The following ASAP2 variants were observed in gnomAD, a reference collection of about 807,000 sequenced individuals.
ASAP2 encodes ArfGAP with SH3 domain, ankyrin repeat and PH domain 2.
Under a neutral mutation model 131.4 loss-of-function variants are expected in ASAP2, and 45 were observed. That is an observed-to-expected ratio of 0.34 (90% confidence interval 0.27 to 0.44). ASAP2 has a LOEUF of 0.44. Among genes scored for constraint, ASAP2 ranks in the 20% least tolerant of loss-of-function variants. The pLI is 1.00. For missense variants in ASAP2, 1,011 were observed against 1,297.0 expected (o/e 0.78, Z 3.39); for synonymous variants, 510 against 503.0 (o/e 1.01, Z -0.19).
Position 9,297,327 on chromosome 2 carries a change from C to T in ASAP2, c.227C>T (p.Thr76Ile), listed in dbSNP as rs755767129. Residue 76 changes from threonine to isoleucine, a missense_variant, in exon 3 of 28, where the codon ACC (threonine) becomes ATC (isoleucine). Thr to Ile is a moderately conservative substitution (Grantham distance 89). Transcript: ENST00000281419. ...LAHVENEEQYTQALEKFGGNC... is the reference protein window; with the variant it reads ...LAHVENEEQYIQALEKFGGNC... ...CACGTGGAAAATGAAGAGCAGTACACCCAGGCTCTGGAGAAGTTTGGCGGC... is the reference window on the plus strand; with the variant it reads ...CACGTGGAAAATGAAGAGCAGTACATCCAGGCTCTGGAGAAGTTTGGCGGC... The T allele has an allele frequency of 6.2e-7, 1 of 1,614,076 alleles. No homozygotes were observed. The highest frequency in any genetic ancestry group is 8.5e-7 in the Non-Finnish European group (1 of 1,180,008).
In ASAP2 at chr2:9,404,288, C is replaced by G. The variant is rs1017206873; in HGVS notation, c.*961C>G. Reference sequence around the variant, plus strand: ...TAGTGTCTTGTATTTCTATAATACTCCAACAGGAATGGTAGTCACACTGTC... The same window carrying G: ...TAGTGTCTTGTATTTCTATAATACTGCAACAGGAATGGTAGTCACACTGTC... On this transcript the variant is annotated 3_prime_UTR_variant, in exon 28 of 28. Coordinates refer to ENST00000281419, the MANE Select transcript of ASAP2 (RefSeq NM_003887.3). The G allele has an allele frequency of 6.6e-6, 1 of 152,132 alleles. No individual in the cohort carries two copies. Among genetic ancestry groups the G allele is most frequent in the African/African-American group, 2.4e-5 (1 of 41,416 alleles). 9.4% of individuals were successfully genotyped at this position (152,132 alleles called of 1,614,324 possible). A position where few individuals can be genotyped will look rare whatever the true frequency, so the allele number is the denominator to read the frequency against.
intron 1 of ASAP2, among the ~76,000 whole-genome samples, chr2:9,250,907 C>T (rs183907827): frequency 7.2e-5 from 11 of 152,288 alleles, no homozygotes; most frequent in East Asian, 3.9e-4. Flanking sequence ...GGCTTGCTCC[C>T]GGGGAACTTA....
At chr2:9,339,353 C>T (rs1348103249) in intron 9 of ASAP2, among the ~76,000 whole-genome samples, 1 of 151,972 alleles carries the variant, frequency 6.6e-6, no homozygotes, top group African/African-American at 2.4e-5. Flanking sequence ...CCTACCCTGC[C>T]CTGTGACACT....
At chr2:9,354,430 T>G (rs1672553817) in intron 12 of ASAP2, among the ~76,000 whole-genome samples, 1 of 152,054 alleles carries the variant, frequency 6.6e-6, no homozygotes, top group Non-Finnish European at 1.5e-5. Flanking sequence ...TTGCTTGAAG[T>G]TTTTCCTCAG....
At chr2:9,248,543 G>A (rs150254193) in intron 1 of ASAP2, among the ~76,000 whole-genome samples, 62 of 152,080 alleles carry the variant, frequency 4.1e-4, no homozygotes, top group African/African-American at 1.4e-3. Flanking sequence ...GAGAGTCAGC[G>A]TTTTGGGTCT....
At chr2:9,377,130 A>G (rs1300061199) in intron 18 of ASAP2, 137 bp downstream of exon 18, 5 of 744,016 alleles carry the variant, frequency 6.7e-6, no homozygotes, top group Non-Finnish European at 1.1e-5. Context: ...AAGACAGAAA[A>G]AGGACTGCCA....
chr2:9,255,505 T>C (rs1480640666), intron 1 of ASAP2, among the ~76,000 whole-genome samples: 2 of 152,244 alleles, frequency 1.3e-5, no homozygotes, highest in African/African-American at 4.8e-5. Context: ...CTTGTTACTA[T>C]GGAATGGTTG....
chr2:9,324,701 T>C (rs531862163), intron 6 of ASAP2, among the ~76,000 whole-genome samples: 179 of 152,324 alleles, frequency 1.2e-3, no homozygotes, highest in African/African-American at 2.9e-3. Flanking sequence ...CACTGCTGCA[T>C]TGGGGACCCA....
chr2:9,250,632 G>A lies in ASAP2; in HGVS notation c.127-28685G>A, dbSNP rs187080312. On this transcript the variant is annotated intron_variant, in intron 1 of 27. Transcript: ENST00000281419. The stretch of plus-strand genomic sequence containing the variant: ...TAAGCCGAGGCCACAAGTAACTATC[G>A]GACAAGGTTGGAAGCAGAAAGCAGT... 5.2e-4 allele frequency among the ~76,000 whole-genome samples: 79 copies of A among 152,314 alleles called. No homozygotes were observed. In the East Asian group the frequency reaches 0.011, roughly 20 times the overall value.
At chr2:9,287,091 A>T (rs1347637702) in intron 2 of ASAP2, among the ~76,000 whole-genome samples, 1 of 152,238 alleles carries the variant, frequency 6.6e-6, no homozygotes, top group African/African-American at 2.4e-5. Context: ...CAACAGTTGG[A>T]GGAGCTGAGA....
At chr2:9,305,501 T>G (rs75127033) in intron 3 of ASAP2, among the ~76,000 whole-genome samples, 96 of 79,114 alleles carry the variant, frequency 1.2e-3, no homozygotes, top group African/African-American at 1.6e-3. Flanking sequence ...GGAGAGGCTG[T>G]AGTAGTGGGG....
intron 3 of ASAP2, among the ~76,000 whole-genome samples, chr2:9,308,372 A>C (rs534939522): frequency 6.6e-6 from 1 of 152,342 alleles, no homozygotes; most frequent in African/African-American, 2.4e-5. Context: ...CATGATGCCA[A>C]ACCAGTCGTG....
chr2:9,400,104 C>T, intron 25 of ASAP2, 32 bp downstream of exon 25: 1 of 1,606,432 alleles, frequency 6.2e-7, no homozygotes, highest in Non-Finnish European at 8.5e-7. Flanking sequence ...GAGTTTGTTT[C>T]TGCTTGGTCC....
chr2:9,246,866 G>A (rs1211055947), intron 1 of ASAP2, among the ~76,000 whole-genome samples: 1 of 151,918 alleles, frequency 6.6e-6, no homozygotes, highest in Non-Finnish European at 1.5e-5. Context: ...GTTTGAGACA[G>A]AGTCTTGCTC....
At chr2:9,342,077 A>T (rs1287057248) in intron 9 of ASAP2, among the ~76,000 whole-genome samples, 1 of 143,986 alleles carries the variant, frequency 6.9e-6, no homozygotes, top group African/African-American at 2.6e-5. Context: ...TTGTGAAGAT[A>T]ACAGTACTCC....
chr2:9,288,357 G>C lies in ASAP2; in HGVS notation c.200-8943G>C, dbSNP rs1027988774. On this transcript the variant is annotated intron_variant, in intron 2 of 27. Coordinates refer to ENST00000281419, the MANE Select transcript of ASAP2 (RefSeq NM_003887.3). ...AGTGTTCATGGTAGCTACTATCTGA[G>C]GCTTTAGAGACCATGTACTTTCCAA... Among the ~76,000 whole-genome samples, 3 of 152,262 alleles carry C rather than the reference G, an allele frequency of 2.0e-5. No individual in the cohort carries two copies. In the South Asian group the frequency reaches 6.2e-4, roughly 32 times the overall value.
chr2:9,207,039 G>A lies in ASAP2; in HGVS notation c.-66G>A. 2 of 1,278,804 alleles carry A rather than the reference G, an allele frequency of 1.6e-6. No homozygotes were observed. Among genetic ancestry groups the A allele is most frequent in the Non-Finnish European group, 2.0e-6 (2 of 1,001,518 alleles). The allele number at this position is 1,278,804 out of a possible 1,614,324, so 79.2% of individuals were successfully genotyped here. A position where few individuals can be genotyped will look rare whatever the true frequency, so the allele number is the denominator to read the frequency against. On this transcript the variant is annotated 5_prime_UTR_variant, in exon 1 of 28. Coordinates refer to ENST00000281419, the MANE Select transcript of ASAP2 (RefSeq NM_003887.3). This position sits in a 1 kb window ranked among gnomAD's most constrained non-coding sequence, Gnocchi z 4.1. Reference sequence around the variant, plus strand: ...CGGCGGTGTCCGAGCGGCGGTCGGAGCCTGCTGCGGCAGTTGAGGCGGCGG... The same window carrying A: ...CGGCGGTGTCCGAGCGGCGGTCGGAACCTGCTGCGGCAGTTGAGGCGGCGG...
At chr2:9,345,982 T>C (rs1463861549) in intron 11 of ASAP2, among the ~76,000 whole-genome samples, 2 of 152,118 alleles carry the variant, frequency 1.3e-5, no homozygotes, top group Non-Finnish European at 1.5e-5. Flanking sequence ...GGAGGGATTC[T>C]CGGTGACCTC....
At position 9,297,387 on chromosome 2, in the gene ASAP2, G is replaced by C; in HGVS notation, c.287G>C (p.Ser96Thr). The change falls in exon 3 of 28, where the codon AGT becomes ACT. Residue 96 changes from serine to threonine, a missense_variant. Ser to Thr is a moderately conservative substitution (Grantham distance 58). Transcript: ENST00000281419. The part of the protein sequence containing the change: ...CVCRDDPDLG[S>T]AFLKFSVFTK... ...TGCAGAGATGACCCAGATTTAGGAA[G>C]TGCGTTCCTGAAGTTCTCAGTGTTT... The C allele has an allele frequency of 6.2e-7, 1 of 1,614,176 alleles. No individual in the cohort carries two copies. Among genetic ancestry groups the C allele is most frequent in the Non-Finnish European group, 8.5e-7 (1 of 1,180,032 alleles).
Sources: allele counts gnomAD v4.1 joint callset (sites outside exome capture counted in the v4.1 genomes callset), GRCh38; gene constraint gnomAD v4.1.1; non-coding constraint Gnocchi (gnomAD v3.1); transcripts MANE v1.5; gene names NCBI Gene and HGNC (gene_info 2026-07-23, HGNC 2026-07-21).